The following STAG2 variants were observed in gnomAD, a reference collection of about 807,000 sequenced individuals.
The protein encoded by STAG2 is cohesin subunit SA-2.
A neutral mutation model predicts 108.1 loss-of-function variants in STAG2; 14 were observed. The ratio of observed to expected loss-of-function variants is 0.13; its 90% CI spans 0.09 to 0.20. STAG2 has a LOEUF of 0.20. Among genes scored for constraint, STAG2 ranks in the 10% least tolerant of loss-of-function variants. The pLI is 1.00. For synonymous variants in STAG2, 307 were observed against 302.7 expected (o/e 1.01, Z -0.15); for missense variants, 440 against 940.9 (o/e 0.47, Z 6.96).
At position 124,066,170 on chromosome X, in the gene STAG2, T is replaced by TTTTA; in HGVS notation, c.2097-5_2097-4insTTTA. 9 of 924,021 alleles carry TTTTA rather than the reference T, an allele frequency of 9.7e-6. No homozygotes were observed. Among genetic ancestry groups the TTTTA allele is most frequent in the Non-Finnish European group, 1.3e-5 (9 of 700,192 alleles). 76.1% of individuals were successfully genotyped at this position (924,021 alleles called of 1,213,427 possible). On this transcript the variant is annotated splice_polypyrimidine_tract_variant and splice_region_variant and intron_variant, in intron 21 of 34. Transcript: ENST00000371145. ...TTTTTTTTTTTTTTTTTTTTTTTTT[T>TTTTA]ACAGTGCCCATGACCTTTCAAAGTG...
At chrX:124,045,476 A>T in intron 8 of STAG2, 108 bp downstream of exon 8, 2 of 701,657 alleles carry the variant, frequency 2.9e-6, no homozygotes, top group South Asian at 5.6e-5. Context: ...TTTATTTATA[A>T]AGTGACCACT....
intron 1 of STAG2, among the ~76,000 whole-genome samples, chrX:123,995,144 T>C (rs1336409339): frequency 9.0e-6 from 1 of 111,688 alleles, no homozygotes; most frequent in East Asian, 2.8e-4. Flanking sequence ...CCAGAGATGG[T>C]AGATCTTAGA....
chrX:123,974,810 G>A (rs922393962), intron 1 of STAG2, among the ~76,000 whole-genome samples: 1 of 103,938 alleles, frequency 9.6e-6, no homozygotes, highest in Non-Finnish European at 2.0e-5. Flanking sequence ...AACTCCTGAT[G>A]TAGTGATCCG....
At chrX:123,963,506 TATCA>T (rs1181248723) in intron 1 of STAG2, 3 of 111,124 alleles carry the variant, frequency 2.7e-5, no homozygotes, top group Non-Finnish European at 5.7e-5. Context: ...TCTACATTGA[TATCA>T]ATCTATAATT....
chrX:124,089,423 G>A (rs775202693), intron 30 of STAG2, among the ~76,000 whole-genome samples: 17 of 111,588 alleles, frequency 1.5e-4, no homozygotes, highest in South Asian at 1.1e-3. Flanking sequence ...TTAGTCCAAT[G>A]CTTAATTAAT....
intron 28 of STAG2, 25 bp downstream of exon 28, chrX:124,081,553 C>T: frequency 8.9e-7 from 1 of 1,117,427 alleles, no homozygotes; most frequent in Non-Finnish European, 1.2e-6. Flanking sequence ...TTTTATTCAG[C>T]TCTCATATTT....
chrX:124,053,976 C>CAT (rs1400849988), intron 13 of STAG2, among the ~76,000 whole-genome samples: 1 of 112,161 alleles, frequency 8.9e-6, no homozygotes, highest in East Asian at 2.8e-4. Flanking sequence ...CACTTACAAA[C>CAT]ATATATATTA....
intron 24 of STAG2, among the ~76,000 whole-genome samples, chrX:124,070,441 A>G (rs771358052): frequency 1.8e-5 from 2 of 111,597 alleles, no homozygotes; most frequent in Non-Finnish European, 3.8e-5. Context: ...GTGACCCTAA[A>G]TTTCTATTTT....
At chrX:124,014,729 G>A (rs2056644830) in intron 1 of STAG2, among the ~76,000 whole-genome samples, 1 of 110,416 alleles carries the variant, frequency 9.1e-6, no homozygotes, top group Admixed American at 9.7e-5. Context: ...ATATAGACAG[G>A]GTCATTAATC....
chrX:124,043,810 G>A (rs1038984917), intron 7 of STAG2, among the ~76,000 whole-genome samples: 1 of 111,175 alleles, frequency 9.0e-6, no homozygotes, highest in Non-Finnish European at 1.9e-5. Flanking sequence ...GCTAGATTGA[G>A]TTGATTATTT....
rs149721616 is a variant in STAG2 at position 124,073,566 on chromosome X, C to T, written c.2533+2243C>T. 3.8e-3 allele frequency among the ~76,000 whole-genome samples: 424 copies of T among 111,214 alleles called. 1 individual carries two copies. Among genetic ancestry groups the T allele is most frequent in the African/African-American group, 0.013 (394 of 30,580 alleles). On this transcript the variant is annotated intron_variant, in intron 25 of 34. Coordinates refer to ENST00000371145, the MANE Select transcript of STAG2 (RefSeq NM_001042750.2). ...GTCTCTGGAGTAGCTGGGACTCAAGCGTGTGCCACTCTGCCTGGCTAATTT... is the reference window on the plus strand; with the variant it reads ...GTCTCTGGAGTAGCTGGGACTCAAGTGTGTGCCACTCTGCCTGGCTAATTT...
intron 15 of STAG2, 106 bp from the exon 16 acceptor site, chrX:124,061,118 A>G (rs2058364574): frequency 2.0e-6 from 1 of 510,822 alleles, no homozygotes; most frequent in Non-Finnish European, 3.0e-6. Flanking sequence ...CAAAAAATAG[A>G]TTGCTGTTTG....
intron 1 of STAG2, among the ~76,000 whole-genome samples, chrX:123,997,165 G>T (rs774546911): frequency 3.6e-5 from 4 of 111,941 alleles, no homozygotes; most frequent in African/African-American, 1.3e-4. Flanking sequence ...AGTAGTGTGA[G>T]TCTTCCAACT....
chrX:123,964,802 A>G (rs1392105314), intron 1 of STAG2, among the ~76,000 whole-genome samples: 1 of 109,714 alleles, frequency 9.1e-6, no homozygotes, highest in Non-Finnish European at 1.9e-5. Context: ...ATCTGGTGCT[A>G]TAACTAGTTA....
At chrX:123,978,393 A>G (rs2054727484) in intron 1 of STAG2, among the ~76,000 whole-genome samples, 1 of 110,117 alleles carries the variant, frequency 9.1e-6, no homozygotes, top group African/African-American at 3.3e-5. Context: ...CTTATAAGTG[A>G]GAACATGTGG....
At chrX:124,049,472 T>C (rs1283248071) in intron 10 of STAG2, among the ~76,000 whole-genome samples, 1 of 112,425 alleles carries the variant, frequency 8.9e-6, no homozygotes, top group Non-Finnish European at 1.9e-5. Flanking sequence ...TTTGCTGTTT[T>C]GAATGAACAG....
At chrX:124,065,307 T>C (rs927780272) in intron 20 of STAG2, among the ~76,000 whole-genome samples, 5 of 111,963 alleles carry the variant, frequency 4.5e-5, no homozygotes, top group Non-Finnish European at 7.5e-5. Context: ...ACACAGTAGA[T>C]TGAGTAATGT....
chrX:124,028,732 A>G (rs1442735039), intron 4 of STAG2, among the ~76,000 whole-genome samples: 2 of 105,837 alleles, frequency 1.9e-5, no homozygotes, highest in South Asian at 4.2e-4. Flanking sequence ...AGGCATCGCT[A>G]TAGATCAGAG....
At chrX:124,053,304 T>C (rs1181060198) in intron 13 of STAG2, among the ~76,000 whole-genome samples, 1 of 112,042 alleles carries the variant, frequency 8.9e-6, no homozygotes, top group Non-Finnish European at 1.9e-5. Context: ...ATCCACCAGA[T>C]ATATGCAAAG....
Sources: allele counts gnomAD v4.1 joint callset (sites outside exome capture counted in the v4.1 genomes callset), GRCh38; gene constraint gnomAD v4.1.1; transcripts MANE v1.5; gene names NCBI Gene and HGNC (gene_info 2026-07-23, HGNC 2026-07-21).